CFAP299: variants seen among roughly 807,000 people sequenced by gnomAD.
CFAP299 encodes the protein cilia- and flagella-associated protein 299.
CFAP299 carries 21 observed loss-of-function variants against 27.0 expected under a neutral mutation model. The ratio of observed to expected loss-of-function variants is 0.78; its 90% CI spans 0.55 to 1.12. The LOEUF is 1.12. CFAP299 is among the 50% of genes most tolerant of loss of function. The probability of loss-of-function intolerance (pLI) is 0.00; values close to 1 mark genes in which losing one functional copy is unlikely to be tolerated. For missense variants in CFAP299, 310 were observed against 276.6 expected (o/e 1.12, Z -0.86); for synonymous variants, 104 against 98.1 (o/e 1.06, Z -0.36).
At chr4:80,866,027 C>A (rs186624704) in intron 3 of CFAP299, among the ~76,000 whole-genome samples, 27 of 130,176 alleles carry the variant, frequency 2.1e-4, no homozygotes, top group African/African-American at 7.2e-4. Context: ...ATGTAACTAA[C>A]CTGCACCTTG....
chr4:80,422,218 A>G (rs9307683), intron 2 of CFAP299, among the ~76,000 whole-genome samples: 100,404 of 151,984 alleles, frequency 0.66, 35,765 homozygotes, highest in Non-Finnish European at 0.78. Context: ...TCAGCTATTC[A>G]CCATAGTGTG....
At chr4:80,827,951 T>C (rs1245817942) in intron 3 of CFAP299, among the ~76,000 whole-genome samples, 3 of 152,016 alleles carry the variant, frequency 2.0e-5, no homozygotes, top group African/African-American at 7.2e-5. Flanking sequence ...TTGTTTATAA[T>C]AATATGAAAT....
Position 80,558,354 on chromosome 4 carries a change from G to GTT in CFAP299, c.243-24737_243-24736dup, listed in dbSNP as rs1159652533. On this transcript the variant is annotated intron_variant, in intron 2 of 5. Coordinates refer to ENST00000358105, the MANE Select transcript of CFAP299 (RefSeq NM_152770.3). ...ACTTTTGTGGTTTTTTTGTTTGTTT[G>GTT]TTTGTTTGTTTGTTTTTTTTTTGGC... Among the ~76,000 whole-genome samples the GTT allele has an allele frequency of 1.1e-3, 137 of 126,376 alleles. 3 individuals are homozygous for GTT. Among genetic ancestry groups the GTT allele is most frequent in the African/African-American group, 2.4e-3 (73 of 30,156 alleles). 82.9% of individuals were successfully genotyped at this position (126,376 alleles called of 152,430 possible). A position where few individuals can be genotyped will look rare whatever the true frequency, so the allele number is the denominator to read the frequency against.
At chr4:80,583,563 T>C (rs570732343) in intron 3 of CFAP299, among the ~76,000 whole-genome samples, 1 of 152,020 alleles carries the variant, frequency 6.6e-6, no homozygotes, top group South Asian at 2.1e-4. Context: ...TTCTAGAATA[T>C]AGTACCATAG....
intron 3 of CFAP299, among the ~76,000 whole-genome samples, chr4:80,722,258 A>G (rs752082147): frequency 4.6e-5 from 7 of 152,124 alleles, no homozygotes; most frequent in Admixed American, 2.6e-4. Flanking sequence ...TCTCTACTAA[A>G]AATACAAAAC....
At chr4:80,392,295 T>A (rs1339537207) in intron 2 of CFAP299, among the ~76,000 whole-genome samples, 1 of 152,174 alleles carries the variant, frequency 6.6e-6, no homozygotes, top group African/African-American at 2.4e-5. Context: ...GAGTTAAGAC[T>A]TTGGGGGACT....
chr4:80,424,804 C>A (rs1482558090), intron 2 of CFAP299, among the ~76,000 whole-genome samples: 1 of 152,206 alleles, frequency 6.6e-6, no homozygotes, highest in Non-Finnish European at 1.5e-5. Context: ...AGAACCTCTT[C>A]TCTACCCATT....
chr4:80,609,877 T>C (rs751286352), intron 3 of CFAP299, among the ~76,000 whole-genome samples: 1 of 152,084 alleles, frequency 6.6e-6, no homozygotes, highest in Non-Finnish European at 1.5e-5. Flanking sequence ...GAATAGTCTA[T>C]AAATGACCCT....
At chr4:80,834,205 C>T (rs574932439) in intron 3 of CFAP299, among the ~76,000 whole-genome samples, 30 of 152,030 alleles carry the variant, frequency 2.0e-4, no homozygotes, top group African/African-American at 6.5e-4. Context: ...GTAGATGAAC[C>T]GGTAAGTATT....
intron 3 of CFAP299, among the ~76,000 whole-genome samples, chr4:80,683,668 T>C (rs562040162): frequency 6.6e-6 from 1 of 152,314 alleles, no homozygotes; most frequent in South Asian, 2.1e-4. Flanking sequence ...ATAATGCTAG[T>C]TTTTGAAAAT....
chr4:80,706,294 CAAATG>C (rs1210744428), intron 3 of CFAP299, among the ~76,000 whole-genome samples: 6 of 151,214 alleles, frequency 4.0e-5, no homozygotes, highest in Non-Finnish European at 8.9e-5. Flanking sequence ...TTAATTAAAA[CAAATG>C]AGGATGTTCC....
At chr4:80,386,627 C>A (rs548205978) in intron 2 of CFAP299, 4 of 1,598,028 alleles carry the variant, frequency 2.5e-6, no homozygotes, top group African/African-American at 2.7e-5. Flanking sequence ...GCCAGCATAG[C>A]GGAACTTGTA....
intron 2 of CFAP299, among the ~76,000 whole-genome samples, chr4:80,494,192 CCTTT>C (rs1731312143): frequency 6.6e-6 from 1 of 152,150 alleles, no homozygotes; most frequent in South Asian, 2.1e-4. Context: ...ACCCTAGATT[CCTTT>C]CTTTGTCACA....
chr4:80,605,810 A>G (rs1163278500), intron 3 of CFAP299, among the ~76,000 whole-genome samples: 1 of 152,180 alleles, frequency 6.6e-6, no homozygotes, highest in Non-Finnish European at 1.5e-5. Context: ...AGTCAGATTT[A>G]CCTAGTATTG....
rs535731547 is a variant in CFAP299 at position 80,488,421 on chromosome 4, G to A, written c.243-94672G>A. On this transcript the variant is annotated intron_variant, in intron 2 of 5. Coordinates refer to ENST00000358105, the MANE Select transcript of CFAP299 (RefSeq NM_152770.3). The stretch of plus-strand genomic sequence containing the variant: ...ATTCAATATTTCATACTATGTGCCA[G>A]CCTCTGTGATAGGTAAAGAAGAAAA... Among the ~76,000 whole-genome samples, 4 of 151,740 alleles carry A rather than the reference G, an allele frequency of 2.6e-5. No individual in the cohort carries two copies. The South Asian group carries it at 8.4e-4, about 32-fold the overall frequency.
intron 5 of CFAP299, among the ~76,000 whole-genome samples, chr4:80,945,920 G>C (rs966696544): frequency 2.0e-5 from 3 of 151,936 alleles, no homozygotes; most frequent in Non-Finnish European, 2.9e-5. Context: ...TTGGGAGGCA[G>C]AGGCGGGCAG....
At chr4:80,572,507 G>GTTTTTTTTTTTTTTTT (rs550414533) in intron 2 of CFAP299, among the ~76,000 whole-genome samples, 625 of 36,380 alleles carry the variant, frequency 0.017, 217 homozygotes, top group Non-Finnish European at 0.024. Flanking sequence ...CTGGATCCCA[G>GTTTTTTTTTTTTTTTT]TTTTTTTTTT....
intron 3 of CFAP299, among the ~76,000 whole-genome samples, chr4:80,795,414 T>C (rs1001775693): frequency 2.0e-5 from 3 of 152,204 alleles, no homozygotes; most frequent in African/African-American, 7.2e-5. Flanking sequence ...TTCAGGGATG[T>C]CCTAGAAAGG....
intron 3 of CFAP299, among the ~76,000 whole-genome samples, chr4:80,827,672 A>G (rs1448813828): frequency 1.1e-4 from 17 of 151,990 alleles, no homozygotes; most frequent in Admixed American, 9.9e-4. Flanking sequence ...CACCACTTCT[A>G]TTTAACATAC....
Sources: gnomAD v4.1 joint callset for allele counts (sites outside exome capture counted in the v4.1 genomes callset) on GRCh38, gnomAD v4.1.1 for gene constraint, MANE v1.5 for transcripts, NCBI Gene and HGNC (gene_info 2026-07-23, HGNC 2026-07-21) for gene names.